PLEKHM3: variants seen among roughly 807,000 people sequenced by gnomAD.
PLEKHM3 encodes pleckstrin homology domain containing M3, also known as pleckstrin homology domain-containing family M member 3.
PLEKHM3 carries 45 observed loss-of-function variants against 81.8 expected under a neutral mutation model. The observed-to-expected ratio is 0.55, with a 90% CI of 0.43 to 0.71. The LOEUF is 0.71. Among genes scored for constraint, PLEKHM3 ranks in the 30% least tolerant of loss-of-function variants. The pLI is 0.00. For synonymous variants in PLEKHM3, 352 were observed against 356.4 expected, an observed-to-expected ratio of 0.99 and a Z score of 0.14; for missense variants, 788 against 924.3, an observed-to-expected ratio of 0.85 and a Z score of 1.91.
intron 5 of PLEKHM3, among the ~76,000 whole-genome samples, chr2:207,910,896 G>C (rs1688790535): frequency 6.6e-6 from 1 of 152,132 alleles, no homozygotes; most frequent in Admixed American, 6.5e-5. Flanking sequence ...TGGAAGAATT[G>C]AGAACATTGG....
At chr2:207,930,812 G>T in intron 5 of PLEKHM3, 114 bp downstream of exon 5, 2 of 1,211,200 alleles carry the variant, frequency 1.7e-6, no homozygotes, top group Non-Finnish European at 2.3e-6. Context: ...CGGAGGGCGA[G>T]CCACAAAATT....
intron 6 of PLEKHM3, among the ~76,000 whole-genome samples, chr2:207,891,739 C>T (rs1688066224): frequency 6.6e-6 from 1 of 152,190 alleles, no homozygotes; most frequent in Non-Finnish European, 1.5e-5. Flanking sequence ...TTCTTACCCT[C>T]ACCACCTCTT....
chr2:207,863,053 GGAGCT>G (rs2092475963), intron 6 of PLEKHM3, among the ~76,000 whole-genome samples: 1 of 152,214 alleles, frequency 6.6e-6, no homozygotes, highest in African/African-American at 2.4e-5. Flanking sequence ...GCAAGGGAAA[GGAGCT>G]GGAGGTACGG....
At chr2:207,991,307 T>C (rs1174468149) in intron 2 of PLEKHM3, among the ~76,000 whole-genome samples, 4 of 152,230 alleles carry the variant, frequency 2.6e-5, no homozygotes. Context: ...TTACAATTTC[T>C]TGATGCAGCC....
chr2:208,006,251 T>C (rs1369359203), intron 1 of PLEKHM3, among the ~76,000 whole-genome samples: 1 of 152,222 alleles, frequency 6.6e-6, no homozygotes, highest in African/African-American at 2.4e-5. Flanking sequence ...ATTTCTATAA[T>C]TGAGTACTTC....
At chr2:207,942,957 T>G (rs1689994808) in intron 4 of PLEKHM3, among the ~76,000 whole-genome samples, 1 of 152,112 alleles carries the variant, frequency 6.6e-6, no homozygotes, top group Non-Finnish European at 1.5e-5. Context: ...TATCACATAT[T>G]TTCACTCATA....
In PLEKHM3 at chr2:207,937,461, T is replaced by C. The variant is rs1039518501; in HGVS notation, c.1693-6342A>G. ...GGCGTGCGCCTGTAGTCCCAACTAC[T>C]CAGGAGGCTGGGGTGGGAGGAATGC... On this transcript the variant is annotated intron_variant, in intron 4 of 7. Coordinates refer to ENST00000427836, the MANE Select transcript of PLEKHM3 (RefSeq NM_001080475.3). Among the ~76,000 whole-genome samples the C allele has an allele frequency of 2.0e-5, 3 of 151,782 alleles. No individual in the cohort carries two copies. The East Asian group carries it at 5.8e-4, about 29-fold the overall frequency.
chr2:208,011,674 G>A (rs1692696828), intron 1 of PLEKHM3, among the ~76,000 whole-genome samples: 1 of 151,666 alleles, frequency 6.6e-6, no homozygotes, highest in Admixed American at 6.6e-5. Context: ...ACTGCCTGGG[G>A]GATGGTTGCA....
intron 3 of PLEKHM3, among the ~76,000 whole-genome samples, chr2:207,967,293 C>A (rs1214560366): frequency 1.3e-5 from 2 of 152,216 alleles, no homozygotes; most frequent in African/African-American, 4.8e-5. Context: ...CTGCACCAAT[C>A]TTGTAAATGG....
intron 1 of PLEKHM3, among the ~76,000 whole-genome samples, chr2:208,009,777 T>C (rs542468156): frequency 3.9e-5 from 6 of 152,324 alleles, no homozygotes; most frequent in Non-Finnish European, 5.9e-5. Flanking sequence ...ATAAACAGTA[T>C]ATTTTCAAGC....
At chr2:207,990,352 T>C (rs1364255192) in intron 2 of PLEKHM3, among the ~76,000 whole-genome samples, 1 of 152,182 alleles carries the variant, frequency 6.6e-6, no homozygotes, top group Admixed American at 6.5e-5. Context: ...TACGCTGTGT[T>C]CTTTCCACCT....
chr2:207,953,824 CA>C (rs35813793), intron 3 of PLEKHM3, among the ~76,000 whole-genome samples: 6,020 of 97,606 alleles, frequency 0.062, 343 homozygotes, highest in African/African-American at 0.21. Flanking sequence ...ACTCTGTCTA[CA>C]AAAAAAAAAA....
intron 3 of PLEKHM3, among the ~76,000 whole-genome samples, chr2:207,962,466 C>T (rs1690768244): frequency 6.6e-6 from 1 of 152,284 alleles, no homozygotes; most frequent in African/African-American, 2.4e-5. Context: ...TGGTTTTTAT[C>T]GTTTATAATA....
At chr2:207,922,263 A>G (rs1392974616) in intron 5 of PLEKHM3, among the ~76,000 whole-genome samples, 2 of 152,198 alleles carry the variant, frequency 1.3e-5, no homozygotes, top group Non-Finnish European at 2.9e-5. Context: ...TCTAAATACC[A>G]TCTGCCCTAC....
In PLEKHM3 at chr2:207,828,349, G is replaced by T; in HGVS notation, c.2256C>A (p.Thr752=). 1 of 1,613,580 alleles carries T rather than the reference G, an allele frequency of 6.2e-7. No homozygotes were observed. Among genetic ancestry groups the T allele is most frequent in the Non-Finnish European group, 8.5e-7 (1 of 1,179,812 alleles). ...NMDESLEEAC[T]MFELSYQNT ...TGTTCTGGTAGGACAGCTCGAACATGGTGCAAGCCTCCTCTAGACTCTCGT... is the reference window on the plus strand; with the variant it reads ...TGTTCTGGTAGGACAGCTCGAACATTGTGCAAGCCTCCTCTAGACTCTCGT... The change falls in exon 8 of 8, where the codon ACC becomes ACA. Residue 752 remains threonine (T), a synonymous_variant. Coordinates refer to ENST00000427836, the MANE Select transcript of PLEKHM3 (RefSeq NM_001080475.3).
intron 7 of PLEKHM3, among the ~76,000 whole-genome samples, chr2:207,858,726 C>T (rs1462159532): frequency 6.6e-6 from 1 of 152,064 alleles, no homozygotes; most frequent in African/African-American, 2.4e-5. Flanking sequence ...AGTGATCCAC[C>T]CACCTGCGCC....
intron 4 of PLEKHM3, among the ~76,000 whole-genome samples, chr2:207,933,211 A>C (rs1689646813): frequency 6.6e-6 from 1 of 152,120 alleles, no homozygotes; most frequent in Non-Finnish European, 1.5e-5. Context: ...GTTATTCCTC[A>C]CTTTTATTTT....
intron 6 of PLEKHM3, among the ~76,000 whole-genome samples, chr2:207,880,444 A>C (rs1305265833): frequency 1.3e-5 from 2 of 149,390 alleles, no homozygotes; most frequent in Non-Finnish European, 3.0e-5. Context: ...TGTAGTAATA[A>C]ACATACAAAA....
chr2:207,961,982 C>T (rs1690750942), intron 3 of PLEKHM3, among the ~76,000 whole-genome samples: 1 of 152,170 alleles, frequency 6.6e-6, no homozygotes, highest in Non-Finnish European at 1.5e-5. Flanking sequence ...TACTGTATAA[C>T]AATTTGTCTA....
Sources: allele counts gnomAD v4.1 joint callset (sites outside exome capture counted in the v4.1 genomes callset), GRCh38; gene constraint gnomAD v4.1.1; transcripts MANE v1.5; gene names NCBI Gene and HGNC (gene_info 2026-07-23, HGNC 2026-07-21).